Variants in MAK observed in about 807,000 individuals in gnomAD.
MAK encodes the protein serine/threonine-protein kinase MAK.
A neutral mutation model predicts 82.6 loss-of-function variants in MAK; 65 were observed. The observed-to-expected ratio is 0.79, with a 90% CI of 0.64 to 0.97. MAK has a LOEUF of 0.97. Among genes scored for constraint, MAK ranks in the 50% least tolerant of loss-of-function variants. The probability of loss-of-function intolerance (pLI) is 0.00; values close to 1 mark genes in which losing one functional copy is unlikely to be tolerated. For missense variants in MAK, 703 were observed against 780.2 expected (o/e 0.90, Z 1.18); for synonymous variants, 250 against 274.2 (o/e 0.91, Z 0.87).
chr6:10,783,748 C>T (rs963507357), intron 11 of MAK, among the ~76,000 whole-genome samples: 7 of 152,168 alleles, frequency 4.6e-5, no homozygotes, highest in African/African-American at 7.2e-5. Flanking sequence ...TGGCTGGGCA[C>T]AGTGGCTCAC....
chr6:10,796,090 G>C lies in MAK; in HGVS notation c.1051C>G (p.Gln351Glu). ...QQPLQPIQPP[Q>E]NLSVQQPPKQ... The stretch of plus-strand genomic sequence containing the variant: ...GGAGGTTGCTGGACGCTCAGGTTCT[G>C]TGGCGGCTGAATGGGCTGCAGTGGC... Residue 351 changes from glutamine (Q) to glutamate (E), a missense_variant, in exon 9 of 15, where the codon CAG becomes GAG. Gln to Glu is a conservative substitution (Grantham distance 29). Coordinates refer to ENST00000354489, the MANE Select transcript of MAK (RefSeq NM_001242957.3). 6.2e-7 allele frequency: 1 copy of C among 1,614,188 alleles called. No homozygotes were observed. Among genetic ancestry groups the C allele is most frequent in the South Asian group, 1.1e-5 (1 of 91,078 alleles).
chr6:10,788,777 T>C (rs1268861893), intron 10 of MAK, among the ~76,000 whole-genome samples: 3 of 152,120 alleles, frequency 2.0e-5, no homozygotes, highest in East Asian at 1.9e-4. Context: ...ATCTCCCATA[T>C]ACTACATCAG....
rs1223968044 is a variant in MAK at position 10,784,576 on chromosome 6, G to A, written c.1317-4C>T. ...TGAGGGTACTGGCTCTGGAAGCCTTGAAAGCCAATGAAAGGTAGCATTACA... is the reference window on the plus strand; with the variant it reads ...TGAGGGTACTGGCTCTGGAAGCCTTAAAAGCCAATGAAAGGTAGCATTACA... On this transcript the variant is annotated splice_polypyrimidine_tract_variant and splice_region_variant and intron_variant, in intron 10 of 14. Coordinates refer to ENST00000354489, the MANE Select transcript of MAK (RefSeq NM_001242957.3). The A allele has an allele frequency of 1.9e-6, 3 of 1,613,672 alleles. No homozygotes were observed. Among genetic ancestry groups the A allele is most frequent in the African/African-American group, 2.7e-5 (2 of 74,888 alleles).
At chr6:10,834,979 G>A (rs572381205) in intron 1 of MAK, among the ~76,000 whole-genome samples, 12 of 152,224 alleles carry the variant, frequency 7.9e-5, no homozygotes, top group Non-Finnish European at 1.6e-4. Context: ...TGGCGCTGTG[G>A]GCATTTATTC....
intron 4 of MAK, among the ~76,000 whole-genome samples, chr6:10,815,068 A>G (rs1379391460): frequency 2.6e-5 from 4 of 151,978 alleles, no homozygotes; most frequent in Non-Finnish European, 5.9e-5. Context: ...AGAAATATAT[A>G]TGAGAGCCAC....
rs753480982 is a variant in MAK, at chr6:10,764,280, G to C, written c.*172C>G. On this transcript the variant is annotated 3_prime_UTR_variant, in exon 15 of 15. Coordinates refer to ENST00000354489, the MANE Select transcript of MAK (RefSeq NM_001242957.3). ...CTGTGGGCAATGATGCTAAGAAAAT[G>C]CATTTCTTGGAAATAAGTAAAATAG... 329 of 634,046 alleles carry C rather than the reference G, an allele frequency of 5.2e-4. 1 individual carries two copies. Among genetic ancestry groups the C allele is most frequent in the Non-Finnish European group, 7.0e-4 (255 of 366,740 alleles). 39.3% of individuals were successfully genotyped at this position (634,046 alleles called of 1,614,324 possible). A position where few individuals can be genotyped will look rare whatever the true frequency, so the allele number is the denominator to read the frequency against.
At chr6:10,805,417 C>G (rs1776359380) in intron 6 of MAK, among the ~76,000 whole-genome samples, 1 of 151,970 alleles carries the variant, frequency 6.6e-6, no homozygotes, top group South Asian at 2.1e-4. Flanking sequence ...GAAACCCCGT[C>G]TCTACTAAAA....
intron 3 of MAK, among the ~76,000 whole-genome samples, chr6:10,818,637 CT>C (rs1777679284): frequency 6.7e-6 from 1 of 148,408 alleles, no homozygotes; most frequent in Non-Finnish European, 1.5e-5. Flanking sequence ...AAAAAGTTGT[CT>C]TTGCATAATA....
intron 10 of MAK, 29 bp from the exon 11 acceptor site, chr6:10,784,601 A>C: frequency 6.6e-7 from 1 of 1,510,938 alleles, no homozygotes; most frequent in Non-Finnish European, 9.0e-7. Flanking sequence ...GTAGCATTAC[A>C]GCACGAACAA....
intron 6 of MAK, among the ~76,000 whole-genome samples, chr6:10,808,428 T>C (rs1268267279): frequency 2.0e-5 from 3 of 152,222 alleles, no homozygotes; most frequent in Non-Finnish European, 1.5e-5. Flanking sequence ...CGTGTATGTC[T>C]TTCTGTTGGT....
In MAK at chr6:10,784,555, G is replaced by A. The variant is rs1774335902; in HGVS notation, c.1334C>T (p.Pro445Leu). The change falls in exon 11 of 15, where the codon CCC becomes CTC. Residue 445 changes from proline (P) to leucine (L), a missense_variant. Transcript: ENST00000354489. ...DSPFRLPEPV[P>L]SGSNHSTGEN... ...CCCTGTCGAGTGGTTGGAGCCTGAGGGTACTGGCTCTGGAAGCCTTGAAAG... is the reference window on the plus strand; with the variant it reads ...CCCTGTCGAGTGGTTGGAGCCTGAGAGTACTGGCTCTGGAAGCCTTGAAAG... 1.2e-6 allele frequency: 2 copies of A among 1,613,896 alleles called. No individual in the cohort carries two copies. Among genetic ancestry groups the A allele is most frequent in the African/African-American group, 2.7e-5 (2 of 74,876 alleles).
chr6:10,835,522 A>C (rs1779097985), intron 1 of MAK, among the ~76,000 whole-genome samples: 1 of 152,234 alleles, frequency 6.6e-6, no homozygotes, highest in Admixed American at 6.5e-5. Context: ...GGCCTCCCAA[A>C]GTGCTGGGGT....
chr6:10,818,848 A>G (rs1300135236), intron 3 of MAK, 38 bp downstream of exon 3: 1 of 1,133,032 alleles, frequency 8.8e-7, no homozygotes, highest in Non-Finnish European at 1.3e-6. Flanking sequence ...AGGTAGTGTT[A>G]AGGCCTTCTC....
intron 8 of MAK, among the ~76,000 whole-genome samples, chr6:10,796,781 A>T (rs1775601043): frequency 6.8e-6 from 1 of 146,060 alleles, no homozygotes; most frequent in Admixed American, 7.1e-5. Context: ...ACTTCAACCT[A>T]GGCAACACAG....
intron 14 of MAK, among the ~76,000 whole-genome samples, chr6:10,766,392 G>A (rs1418498945): frequency 3.9e-5 from 6 of 152,198 alleles, no homozygotes; most frequent in Non-Finnish European, 7.3e-5. Flanking sequence ...CCTGGCTGCC[G>A]TGTAGTTTGG....
intron 1 of MAK, among the ~76,000 whole-genome samples, chr6:10,832,666 T>G (rs1364016741): frequency 1.3e-5 from 2 of 152,178 alleles, no homozygotes; most frequent in Non-Finnish European, 2.9e-5. Flanking sequence ...ACCCAGCTAT[T>G]TTTTGTAATT....
chr6:10,770,588 G>A (rs756229270), intron 13 of MAK, among the ~76,000 whole-genome samples: 5 of 152,152 alleles, frequency 3.3e-5, no homozygotes, highest in African/African-American at 7.2e-5. Flanking sequence ...TTCCCACTGC[G>A]AAGCCCCTAT....
At chr6:10,778,911 T>C (rs1773703380) in intron 11 of MAK, among the ~76,000 whole-genome samples, 1 of 151,860 alleles carries the variant, frequency 6.6e-6, no homozygotes, top group Non-Finnish European at 1.5e-5. Context: ...GCGGATCACT[T>C]GAGGTCAGGA....
intron 9 of MAK, among the ~76,000 whole-genome samples, chr6:10,795,243 G>T (rs2127546803): frequency 6.6e-6 from 1 of 152,192 alleles, no homozygotes; most frequent in African/African-American, 2.4e-5. Context: ...TCTGAGGTCA[G>T]GAGTTCGAGA....
Sources: gnomAD v4.1 joint callset for allele counts (sites outside exome capture counted in the v4.1 genomes callset) on GRCh38, gnomAD v4.1.1 for gene constraint, MANE v1.5 for transcripts, NCBI Gene and HGNC (gene_info 2026-07-23, HGNC 2026-07-21) for gene names.